TRAF2: variants seen among roughly 807,000 people sequenced by gnomAD.
TRAF2 encodes the protein TNF receptor-associated factor 2.
TRAF2 carries 6 observed loss-of-function variants against 55.6 expected under a neutral mutation model. The ratio of observed to expected loss-of-function variants is 0.11; its 90% CI spans 0.06 to 0.21. TRAF2 has a LOEUF of 0.21. Ranked by LOEUF, TRAF2 falls within the 10% of genes least tolerant of loss-of-function variation. The pLI is 1.00. For missense variants in TRAF2, 561 were observed against 684.5 expected (o/e 0.82, Z 2.01); for synonymous variants, 329 against 276.3 (o/e 1.19, Z -1.89).
chr9:136,883,105 G>A (rs577724809), upstream of TRAF2, among the ~76,000 whole-genome samples: 8 of 152,202 alleles, frequency 5.3e-5, no homozygotes, highest in Non-Finnish European at 1.0e-4. Context: ...CCTGATCTCA[G>A]GTGATCTGCC....
intron 7 of TRAF2, among the ~76,000 whole-genome samples, chr9:136,918,701 T>C (rs1260831081): frequency 6.6e-6 from 1 of 152,130 alleles, no homozygotes; most frequent in Non-Finnish European, 1.5e-5. Context: ...CACCTTCCCC[T>C]GTGGGTGGCT....
chr9:136,915,715 C>T (rs750657566), intron 6 of TRAF2, among the ~76,000 whole-genome samples: 12 of 152,132 alleles, frequency 7.9e-5, no homozygotes, highest in Admixed American at 2.6e-4. Flanking sequence ...ACGGGCGTTT[C>T]CCAAGCTGTG....
intron 4 of TRAF2, among the ~76,000 whole-genome samples, chr9:136,907,038 C>T (rs1418740597): frequency 6.6e-6 from 1 of 152,272 alleles, no homozygotes; most frequent in Non-Finnish European, 1.5e-5. Context: ...CGGGGAAGCC[C>T]TGCCTGGGGC....
At position 136,900,436 on chromosome 9, in the gene TRAF2, T is replaced by G. The variant is rs997213364; in HGVS notation, c.282T>G (p.Asn94Lys). 8 of 1,604,428 alleles carry G rather than the reference T, an allele frequency of 5.0e-6. No homozygotes were observed. The Admixed American group carries it at 1.0e-4, about 20-fold the overall frequency. Residue 94 changes from asparagine (N) to lysine (K), a missense_variant, in exon 4 of 11, where the codon AAT becomes AAG. By Grantham distance (94) the Asn-to-Lys change is moderately conservative (BLOSUM62 0). This residue lies in a region of TRAF2 where 426 missense variants were observed against 476.8 expected (regional missense o/e 0.89). Transcript: ENST00000247668. ...ILESSSAFPD[N>K]AARREVESLP... ...CCTCTCCCCAGGCCTTCCCAGATAATGCTGCCCGCAGGGAGGTGGAGAGCC... is the reference window on the plus strand; with the variant it reads ...CCTCTCCCCAGGCCTTCCCAGATAAGGCTGCCCGCAGGGAGGTGGAGAGCC...
chr9:136,909,123 A>G (rs1850035274), intron 5 of TRAF2, among the ~76,000 whole-genome samples: 1 of 151,040 alleles, frequency 6.6e-6, no homozygotes, highest in Admixed American at 6.6e-5. Flanking sequence ...GTCTAAATGC[A>G]TCAGGTAGAG....
At chr9:136,924,083 C>G (rs973307937) in intron 10 of TRAF2, 83 bp downstream of exon 10, 2 of 1,537,358 alleles carry the variant, frequency 1.3e-6, no homozygotes, top group African/African-American at 1.4e-5. Context: ...CAGGGTTGTG[C>G]GGGACAAGGT....
chr9:136,895,548 C>T (rs1003072474), intron 1 of TRAF2, among the ~76,000 whole-genome samples: 1 of 152,176 alleles, frequency 6.6e-6, no homozygotes, highest in African/African-American at 2.4e-5. Context: ...AGGGAAAATG[C>T]ATTTGTCATT....
At chr9:136,914,041 G>A (rs1449698250) in intron 6 of TRAF2, among the ~76,000 whole-genome samples, 2 of 152,242 alleles carry the variant, frequency 1.3e-5, no homozygotes, top group African/African-American at 2.4e-5. Context: ...CGGACACCTC[G>A]TGTTTGATAA....
chr9:136,913,295 A>ATTTTTTTTTTTTTTTT (rs369765173), intron 6 of TRAF2, among the ~76,000 whole-genome samples: 1 of 87,092 alleles, frequency 1.1e-5, no homozygotes, highest in African/African-American at 5.0e-5. Flanking sequence ...TTATAAAGGA[A>ATTTTTTTTTTTTTTTT]TTTTTTTTTT....
At chr9:136,899,779 C>CT (rs1588425299) in intron 3 of TRAF2, 107 bp downstream of exon 3, 1 of 1,042,814 alleles carries the variant, frequency 9.6e-7, no homozygotes, top group African/African-American at 1.6e-5. Flanking sequence ...AATCCCAGCA[C>CT]TTTGGGAGGC....
intron 6 of TRAF2, among the ~76,000 whole-genome samples, chr9:136,913,486 A>G (rs1299597029): frequency 2.0e-5 from 3 of 150,934 alleles, no homozygotes; most frequent in Middle Eastern, 3.4e-3. Context: ...TTTAGTAGAG[A>G]CGGGGTTTCA....
At chr9:136,882,580 G>A, upstream of TRAF2, 1 of 807,536 alleles carries the variant, frequency 1.2e-6, no homozygotes. Flanking sequence ...AGGGTGCTGG[G>A]GCTTCTCCTG....
intron 9 of TRAF2, 133 bp from the exon 10 acceptor site, chr9:136,923,719 T>A (rs201398520): frequency 7.2e-5 from 4 of 55,876 alleles, no homozygotes; most frequent in Non-Finnish European, 9.8e-5. Context: ...AAAAAAAACT[T>A]TTCTTTGCAC....
At chr9:136,909,484 C>T (rs1214333212) in intron 5 of TRAF2, among the ~76,000 whole-genome samples, 2 of 152,146 alleles carry the variant, frequency 1.3e-5, no homozygotes, top group African/African-American at 4.8e-5. Context: ...GTCAGATGGA[C>T]GGGCCTGACC....
chr9:136,885,884 G>A (rs900735639), upstream of TRAF2, among the ~76,000 whole-genome samples: 1 of 152,246 alleles, frequency 6.6e-6, no homozygotes, highest in East Asian at 1.9e-4. Context: ...AGACCCCATA[G>A]CCTTAATACC....
At chr9:136,907,259 T>C (rs1376526632) in intron 4 of TRAF2, among the ~76,000 whole-genome samples, 2 of 152,238 alleles carry the variant, frequency 1.3e-5, no homozygotes, top group African/African-American at 4.8e-5. Flanking sequence ...AGTCTGCATC[T>C]TGTGGCACCT....
At chr9:136,920,152 G>A (rs916168467) in intron 7 of TRAF2, 82 bp from the exon 8 acceptor site, 1 of 1,479,558 alleles carries the variant, frequency 6.8e-7, no homozygotes, top group African/African-American at 1.4e-5. Flanking sequence ...CAGCTCAGCT[G>A]AGGCCCACGT....
At chr9:136,892,771 T>G (rs971019972) in intron 1 of TRAF2, among the ~76,000 whole-genome samples, 1 of 151,884 alleles carries the variant, frequency 6.6e-6, no homozygotes, top group East Asian at 1.9e-4. Flanking sequence ...TCCCAGCTAC[T>G]CGGGAGGCTG....
At chr9:136,925,629 CAGAG>C (rs1850511884) in intron 10 of TRAF2, 50 bp from the exon 11 acceptor site, 82 of 1,581,150 alleles carry the variant, frequency 5.2e-5, no homozygotes, top group Non-Finnish European at 6.8e-5. Flanking sequence ...CCTCGGGAGC[CAGAG>C]AGAGACGGCC....
Sources: gnomAD v4.1 joint callset for allele counts (sites outside exome capture counted in the v4.1 genomes callset) on GRCh38, gnomAD v4.1.1 for gene constraint, gnomAD v4.1.1 regional missense constraint, MANE v1.5 for transcripts, NCBI Gene and HGNC (gene_info 2026-07-23, HGNC 2026-07-21) for gene names.